Variants in PDK1 observed in about 807,000 individuals in gnomAD.
The protein encoded by PDK1 is pyruvate dehydrogenase kinase 1.
PDK1 carries 39 observed loss-of-function variants against 54.2 expected under a neutral mutation model. The ratio of observed to expected loss-of-function variants is 0.72; its 90% confidence interval spans 0.56 to 0.94. PDK1 has a LOEUF of 0.94. Among genes scored for constraint, PDK1 ranks in the 40% least tolerant of loss-of-function variants. The pLI, the probability that PDK1 is intolerant of heterozygous loss-of-function variation, is 0.00. For missense variants in PDK1, 552 were observed against 566.0 expected (o/e 0.98, Z 0.25); for synonymous variants, 221 against 207.1 (o/e 1.07, Z -0.58).
chr2:172,699,923 T>C, the PDK1 span, among the ~76,000 whole-genome samples: 2 of 152,132 alleles, frequency 1.3e-5, no homozygotes, highest in Non-Finnish European at 1.5e-5. Context: ...ACTGTTTGTG[T>C]CCCTGGGTAC....
chr2:172,624,725 G>A, the PDK1 span, among the ~76,000 whole-genome samples: 5 of 152,184 alleles, frequency 3.3e-5, no homozygotes, highest in East Asian at 1.9e-4. Flanking sequence ...AGGGCCAGAC[G>A]TGGTGGCTCA....
the PDK1 span, among the ~76,000 whole-genome samples, chr2:172,688,815 G>A: frequency 6.6e-6 from 1 of 152,062 alleles, no homozygotes; most frequent in African/African-American, 2.4e-5. Flanking sequence ...ATCCCACATG[G>A]CAGCCAGAGG....
At chr2:172,693,915 C>A in the PDK1 span, among the ~76,000 whole-genome samples, 1 of 152,192 alleles carries the variant, frequency 6.6e-6, no homozygotes, top group Non-Finnish European at 1.5e-5. Context: ...CCCTCAAGAT[C>A]CATTTTCAGA....
chr2:172,642,919 A>G, the PDK1 span, among the ~76,000 whole-genome samples: 1 of 144,154 alleles, frequency 6.9e-6, no homozygotes, highest in Non-Finnish European at 1.5e-5. Context: ...TCTTTCTCCT[A>G]CTCCTCCTTC....
intron 8 of PDK1, among the ~76,000 whole-genome samples, chr2:172,582,064 C>G (rs911238603): frequency 2.0e-5 from 3 of 151,990 alleles, no homozygotes; most frequent in African/African-American, 7.3e-5. Context: ...AGGCACGCAC[C>G]ACCATACCTG....
the PDK1 span, among the ~76,000 whole-genome samples, chr2:172,695,591 C>A: frequency 6.6e-6 from 1 of 152,110 alleles, no homozygotes; most frequent in African/African-American, 2.4e-5. Context: ...TTGCTCCCAA[C>A]CAATAGTATA....
At chr2:172,654,678 G>A in the PDK1 span, among the ~76,000 whole-genome samples, 18 of 152,254 alleles carry the variant, frequency 1.2e-4, no homozygotes, top group East Asian at 3.1e-3. Flanking sequence ...GTTAACGAGT[G>A]CAGCACACCA....
chr2:172,591,363 G>A (rs546260441), intron 9 of PDK1, among the ~76,000 whole-genome samples: 1 of 152,288 alleles, frequency 6.6e-6, no homozygotes, highest in Admixed American at 6.5e-5. Context: ...TCCCTGACTG[G>A]TTAGTGTAAA....
the PDK1 span, among the ~76,000 whole-genome samples, chr2:172,672,694 T>C: frequency 6.6e-6 from 1 of 152,082 alleles, no homozygotes; most frequent in South Asian, 2.1e-4. Context: ...AGTAGAAACA[T>C]AACAGTGTTA....
At chr2:172,615,152 CAG>C in the PDK1 span, among the ~76,000 whole-genome samples, 1 of 152,216 alleles carries the variant, frequency 6.6e-6, no homozygotes, top group Non-Finnish European at 1.5e-5. Flanking sequence ...GCCGAGTAGA[CAG>C]GGTGCCCCTG....
At chr2:172,591,172 A>G (rs1294700243) in intron 9 of PDK1, among the ~76,000 whole-genome samples, 10 of 152,220 alleles carry the variant, frequency 6.6e-5, no homozygotes, top group Admixed American at 5.9e-4. Context: ...AGAGGAAACA[A>G]ATTTGACAAG....
rs1688966549 is a variant in PDK1 at position 172,566,708 on chromosome 2, A to AG, written c.692-148_692-147insG. The AG allele has an allele frequency of 5.8e-6, 3 of 517,294 alleles. No homozygotes were observed. The East Asian group carries it at 9.9e-5, about 17-fold the overall frequency. The allele number at this position is 517,294 out of a possible 1,614,324, so 32.0% of individuals were successfully genotyped here. ...ATGTCTCTACCAAAAAAAAAAAAAA[A>AG]AAAAGCAGACTTTCACCAAACTATC... is the stretch of plus-strand genomic sequence containing the variant. On this transcript the variant is annotated intron_variant, in intron 5 of 10. Transcript: ENST00000282077.
the PDK1 span, among the ~76,000 whole-genome samples, chr2:172,689,706 AC>A: frequency 2.6e-5 from 4 of 152,046 alleles, no homozygotes; most frequent in Non-Finnish European, 1.5e-5. Context: ...CACATCTACA[AC>A]CCTCTGATCT....
the PDK1 span, among the ~76,000 whole-genome samples, chr2:172,686,649 C>T: frequency 2.0e-5 from 3 of 152,234 alleles, no homozygotes; most frequent in Non-Finnish European, 4.4e-5. Flanking sequence ...TTCTTTTGCT[C>T]TTCACAATAA....
chr2:172,612,002 A>G (rs940216298), downstream of PDK1, among the ~76,000 whole-genome samples: 5 of 152,266 alleles, frequency 3.3e-5, no homozygotes, highest in Non-Finnish European at 7.3e-5. Context: ...ACATGGCTAG[A>G]AATGGAATAA....
chr2:172,723,558 G>C, the PDK1 span: 2 of 151,994 alleles, frequency 1.3e-5, no homozygotes, highest in Admixed American at 1.3e-4. Context: ...TGTCATGAAA[G>C]AATTTTTAAA....
chr2:172,702,064 G>A, the PDK1 span, among the ~76,000 whole-genome samples: 1 of 152,088 alleles, frequency 6.6e-6, no homozygotes, highest in South Asian at 2.1e-4. Context: ...ACTAGGTTAG[G>A]GGCGCTGGTA....
chr2:172,657,812 G>A, the PDK1 span, among the ~76,000 whole-genome samples: 3 of 152,296 alleles, frequency 2.0e-5, no homozygotes, highest in South Asian at 4.2e-4. Flanking sequence ...ATTCTGAGTT[G>A]CTATAAAGGA....
intron 8 of PDK1, among the ~76,000 whole-genome samples, chr2:172,574,033 G>A (rs1204399177): frequency 6.6e-6 from 1 of 152,070 alleles, no homozygotes; most frequent in Non-Finnish European, 1.5e-5. Context: ...GACGACTTAT[G>A]CCTATGTTTC....
Sources: gnomAD v4.1 joint callset for allele counts (sites outside exome capture counted in the v4.1 genomes callset) on GRCh38, gnomAD v4.1.1 for gene constraint, MANE v1.5 for transcripts, NCBI Gene and HGNC (gene_info 2026-07-23, HGNC 2026-07-21) for gene names.